ADGRV1: variants seen among roughly 807,000 people sequenced by gnomAD.
ADGRV1 encodes adhesion G protein-coupled receptor V1.
A neutral mutation model predicts 596.2 loss-of-function variants in ADGRV1; 359 were observed. The ratio of observed to expected loss-of-function variants is 0.60; its 90% confidence interval spans 0.55 to 0.66. The LOEUF (loss-of-function observed/expected upper bound fraction) is 0.66, where lower values mean the gene tolerates loss of function less well. Ranked by LOEUF, ADGRV1 falls within the 30% of genes least tolerant of loss-of-function variation. ADGRV1 has a pLI of 0.00. For synonymous variants in ADGRV1, 2,681 were observed against 2,679.2 expected (o/e 1.00, Z -0.02); for missense variants, 7,274 against 7,575.6 (o/e 0.96, Z 1.48).
At chr5:90,583,420 A>C (rs1758330266) in intron 1 of ADGRV1, among the ~76,000 whole-genome samples, 1 of 152,172 alleles carries the variant, frequency 6.6e-6, no homozygotes, top group Non-Finnish European at 1.5e-5. Flanking sequence ...ATTTTATTAC[A>C]GCCTCAAAAC....
Position 91,153,290 on chromosome 5 carries a change from C to G in ADGRV1, c.18694C>G (p.Pro6232Ala), listed in dbSNP as rs750305281. The G allele has an allele frequency of 7.5e-6, 12 of 1,610,406 alleles. No individual in the cohort carries two copies. The highest frequency in any genetic ancestry group is 1.0e-5 in the Non-Finnish European group (12 of 1,178,420). ...GGCCAGCCCTGATTTAAAGCCAAGT[C>G]CACAAAATGGAGCCACGTTCCCGTC... The part of the protein sequence containing the change: ...SQASPDLKPS[P>A]QNGATFPSSG... The change falls in exon 89 of 90, where the codon CCA (proline) becomes GCA (alanine). Residue 6232 changes from proline (P) to alanine (A), a missense_variant. Pro to Ala is a conservative substitution (Grantham distance 27). This residue lies in a region of ADGRV1 where 1,874 missense variants were observed against 1,970.2 expected (regional missense o/e 0.95). Coordinates refer to ENST00000405460, the MANE Select transcript of ADGRV1 (RefSeq NM_032119.4).
At chr5:91,074,465 C>G (rs1331043404) in intron 86 of ADGRV1, among the ~76,000 whole-genome samples, 3 of 152,176 alleles carry the variant, frequency 2.0e-5, no homozygotes, top group Non-Finnish European at 4.4e-5. Context: ...CTTAGGATAA[C>G]AGCCTCCAGC....
At chr5:90,890,784 A>G (rs114207905) in intron 83 of ADGRV1, among the ~76,000 whole-genome samples, 25 of 152,268 alleles carry the variant, frequency 1.6e-4, no homozygotes, top group African/African-American at 6.0e-4. Flanking sequence ...GTAACAACTT[A>G]TATTTCTATC....
At chr5:90,959,669 T>C (rs954579969) in intron 83 of ADGRV1, among the ~76,000 whole-genome samples, 5 of 148,126 alleles carry the variant, frequency 3.4e-5, no homozygotes, top group African/African-American at 5.1e-5. Flanking sequence ...TAGGCAAGTA[T>C]CCAAAGGCAA....
In ADGRV1 at chr5:90,974,026, A is replaced by G. The variant is rs1236795051; in HGVS notation, c.17973+8495A>G. Among the ~76,000 whole-genome samples, 3 of 152,338 alleles carry G rather than the reference A, an allele frequency of 2.0e-5. No individual in the cohort carries two copies. The East Asian group carries it at 5.8e-4, about 29-fold the overall frequency. On this transcript the variant is annotated intron_variant, in intron 84 of 89. Coordinates refer to ENST00000405460, the MANE Select transcript of ADGRV1 (RefSeq NM_032119.4). ...TCTCAGGATAGAAAATCAGTGTGCA[A>G]AAATCACAAGCATTCTTATACACCA...
chr5:90,628,672 G>C lies in ADGRV1; in HGVS notation c.1349G>C (p.Arg450Thr), dbSNP rs1561415183. 3.7e-6 allele frequency: 6 copies of C among 1,613,924 alleles called. No homozygotes were observed. The Admixed American group carries it at 1.0e-4, about 27-fold the overall frequency. The change falls in exon 8 of 90, where the codon AGA becomes ACA. Residue 450 changes from arginine (R) to threonine (T), a missense_variant. This residue lies in a region of ADGRV1 where 1,715 missense variants were observed against 1,708.8 expected (regional missense o/e 1.00). Coordinates refer to ENST00000405460, the MANE Select transcript of ADGRV1 (RefSeq NM_032119.4). ...CCCTCACCAGTAACAGCAGATATCA[G>C]ACCGAGCTCTGGAGTTCTCCATTTT... ...TDPSPVTADI[R>T]PSSGVLHFAQ... is the part of the protein sequence containing the mutation.
intron 84 of ADGRV1, among the ~76,000 whole-genome samples, chr5:90,982,281 T>TATA (rs879351815): frequency 2.0e-5 from 3 of 152,194 alleles, no homozygotes; most frequent in African/African-American, 4.8e-5. Context: ...TAATCTATGG[T>TATA]AACGTTGGTT....
intron 87 of ADGRV1, among the ~76,000 whole-genome samples, chr5:91,120,532 A>T (rs1209150212): frequency 6.7e-6 from 1 of 149,642 alleles, no homozygotes; most frequent in South Asian, 2.1e-4. Flanking sequence ...TACACTGAAC[A>T]TTTTTTTTTT....
chr5:90,700,253 T>G (rs1747738944), intron 34 of ADGRV1, among the ~76,000 whole-genome samples: 1 of 152,214 alleles, frequency 6.6e-6, no homozygotes, highest in Non-Finnish European at 1.5e-5. Context: ...ATGTGAGCTT[T>G]TAACAGTGTT....
chr5:90,595,153 G>T (rs1183680499), intron 1 of ADGRV1, among the ~76,000 whole-genome samples: 55 of 108,862 alleles, frequency 5.1e-4, no homozygotes, highest in South Asian at 3.2e-4. Flanking sequence ...GCGGCTGGCC[G>T]GGTGGGGGGC....
At chr5:91,032,636 C>T (rs898821229) in intron 85 of ADGRV1, among the ~76,000 whole-genome samples, 1 of 151,710 alleles carries the variant, frequency 6.6e-6, no homozygotes, top group African/African-American at 2.4e-5. Context: ...TCTTTCTTTG[C>T]CTTACTAAGT....
In ADGRV1 at chr5:90,778,613, T is replaced by G; in HGVS notation, c.12849+4T>G. The stretch of plus-strand genomic sequence containing the variant: ...TCGAGTGTCAGAAGCACAGAGGGTA[T>G]AGTATGAAATGCTTAAGATTTTAAT... On this transcript the variant is annotated splice_donor_region_variant and intron_variant, in intron 63 of 89. Coordinates refer to ENST00000405460, the MANE Select transcript of ADGRV1 (RefSeq NM_032119.4). 6.5e-7 allele frequency: 1 copy of G among 1,544,954 alleles called. No homozygotes were observed. The highest frequency in any genetic ancestry group is 8.7e-7 in the Non-Finnish European group (1 of 1,148,780).
At position 90,883,936 on chromosome 5, in the gene ADGRV1, G is replaced by C. The variant is rs143800486; in HGVS notation, c.17856+20079G>C. Among the ~76,000 whole-genome samples, 223 of 152,220 alleles carry C rather than the reference G, an allele frequency of 1.5e-3. 2 individuals are homozygous for C. In the East Asian group the frequency reaches 0.016, roughly 11 times the overall value. ...TTCTCCTCCTTGCATGTAGCCCTTAGTTTGTGCATCATCCATAGCATTCCT... is the reference window on the plus strand; with the variant it reads ...TTCTCCTCCTTGCATGTAGCCCTTACTTTGTGCATCATCCATAGCATTCCT... On this transcript the variant is annotated intron_variant, in intron 83 of 89. Coordinates refer to ENST00000405460, the MANE Select transcript of ADGRV1 (RefSeq NM_032119.4).
chr5:90,855,363 A>C (rs1464125351), intron 81 of ADGRV1, among the ~76,000 whole-genome samples: 2 of 152,154 alleles, frequency 1.3e-5, no homozygotes, highest in Non-Finnish European at 2.9e-5. Context: ...AAGAAGAGTA[A>C]ACACATATCA....
At chr5:90,791,550 T>C in intron 70 of ADGRV1, 1 of 546,570 alleles carries the variant, frequency 1.8e-6, no homozygotes, top group Non-Finnish European at 3.2e-6. Context: ...AGATAATAGA[T>C]TTTTGTGTAG....
intron 71 of ADGRV1, 68 bp downstream of exon 71, chr5:90,802,950 A>T (rs1420184514): frequency 1.5e-6 from 2 of 1,346,088 alleles, no homozygotes; most frequent in Non-Finnish European, 2.0e-6. Flanking sequence ...AAGGACGGAG[A>T]CTCTTAGAGC....
chr5:90,808,555 G>C (rs1350596525), intron 73 of ADGRV1, among the ~76,000 whole-genome samples: 1 of 152,084 alleles, frequency 6.6e-6, no homozygotes, highest in Non-Finnish European at 1.5e-5. Flanking sequence ...CATATTTTAG[G>C]GTTACAAATT....
chr5:90,917,742 A>G (rs1339777017), intron 83 of ADGRV1, among the ~76,000 whole-genome samples: 1 of 152,216 alleles, frequency 6.6e-6, no homozygotes, highest in Non-Finnish European at 1.5e-5. Flanking sequence ...GCTACCAAGC[A>G]GAAAGCAGGC....
intron 83 of ADGRV1, chr5:90,931,270 CAA>C (rs1481544652): frequency 6.6e-6 from 1 of 152,090 alleles, no homozygotes; most frequent in African/African-American, 2.4e-5. Flanking sequence ...GACTGGTAAA[CAA>C]GAGCTAAGTC....
Sources: gnomAD v4.1 joint callset for allele counts (sites outside exome capture counted in the v4.1 genomes callset) on GRCh38, gnomAD v4.1.1 for gene constraint, gnomAD v4.1.1 regional missense constraint, MANE v1.5 for transcripts, NCBI Gene and HGNC (gene_info 2026-07-23, HGNC 2026-07-21) for gene names.